The following SLC3A1 variants were observed in gnomAD, a reference collection of about 807,000 sequenced individuals.
SLC3A1 encodes solute carrier family 3 member 1, also known as amino acid transporter heavy chain SLC3A1.
In SLC3A1, 78 loss-of-function variants were observed where a neutral mutation model predicts 60.3. The observed-to-expected ratio is 1.29, with a 90% CI of 1.08 to 1.56. SLC3A1 has a LOEUF of 1.56. Among genes scored for constraint, SLC3A1 ranks in the 40% most tolerant of loss-of-function variants. The pLI, the probability that SLC3A1 is intolerant of heterozygous loss-of-function variation, is 0.00. For missense variants in SLC3A1, 1,172 were observed against 858.9 expected (o/e 1.36, Z -4.56); for synonymous variants, 392 against 307.9 (o/e 1.27, Z -2.86).
chr2:44,303,128 G>A (rs569374460), intron 6 of SLC3A1, among the ~76,000 whole-genome samples: 7 of 151,798 alleles, frequency 4.6e-5, no homozygotes, highest in Admixed American at 3.3e-4. Context: ...TTGCACCTGG[G>A]AGGTGGAGGT....
intron 5 of SLC3A1, 136 bp downstream of exon 5, chr2:44,300,226 T>G (rs1256233298): frequency 2.2e-6 from 2 of 901,942 alleles, no homozygotes; most frequent in African/African-American, 3.4e-5. Flanking sequence ...TTTATTTCTT[T>G]AGGAAATGTG....
intron 4 of SLC3A1, among the ~76,000 whole-genome samples, chr2:44,290,339 G>A (rs1671714115): frequency 6.6e-6 from 1 of 152,104 alleles, no homozygotes; most frequent in African/African-American, 2.4e-5. Flanking sequence ...CTAGCGCTTT[G>A]TAGTAAGTTT....
chr2:44,312,256 T>G (rs1022846776), intron 7 of SLC3A1, among the ~76,000 whole-genome samples: 1 of 152,190 alleles, frequency 6.6e-6, no homozygotes, highest in Admixed American at 6.5e-5. Context: ...TGGGTTCCCT[T>G]GTCTTGCTCT....
At chr2:44,304,983 G>C (rs1384933208) in intron 7 of SLC3A1, among the ~76,000 whole-genome samples, 1 of 151,794 alleles carries the variant, frequency 6.6e-6, no homozygotes, top group Non-Finnish European at 1.5e-5. Flanking sequence ...CACCATGGCT[G>C]GCTAATTATT....
Position 44,281,467 on chromosome 2 carries a change from G to A in SLC3A1, c.691G>A (p.Gly231Arg). 6 of 1,613,872 alleles carry A rather than the reference G, an allele frequency of 3.7e-6. No individual in the cohort carries two copies. Among genetic ancestry groups the A allele is most frequent in the Non-Finnish European group, 5.1e-6 (6 of 1,179,758 alleles). The change falls in exon 3 of 10, where the codon GGA (glycine) becomes AGA (arginine). Residue 231 changes from glycine to arginine, a missense_variant. Coordinates refer to ENST00000260649, the MANE Select transcript of SLC3A1 (RefSeq NM_000341.4). ...IWFQLSRTRT[G>R]KYTDYYIWHD... ...GTTTCAATTGAGTCGGACACGGACAGGAAAATATACTGATTATTATATCTG... is the reference window on the plus strand; with the variant it reads ...GTTTCAATTGAGTCGGACACGGACAAGAAAATATACTGATTATTATATCTG...
At chr2:44,305,330 G>T (rs903607325) in intron 7 of SLC3A1, among the ~76,000 whole-genome samples, 3 of 152,022 alleles carry the variant, frequency 2.0e-5, no homozygotes, top group Non-Finnish European at 4.4e-5. Context: ...TAGTATTATA[G>T]ATGTAAGCCC....
At chr2:44,281,908 C>T (rs1671508605) in intron 3 of SLC3A1, among the ~76,000 whole-genome samples, 2 of 151,974 alleles carry the variant, frequency 1.3e-5, no homozygotes, top group East Asian at 1.9e-4. Context: ...TAGTTTTGCT[C>T]TTGTCTCCCA....
chr2:44,302,716 C>G (rs529992022), intron 6 of SLC3A1, among the ~76,000 whole-genome samples: 1 of 152,330 alleles, frequency 6.6e-6, no homozygotes, highest in South Asian at 2.1e-4. Flanking sequence ...GTTATAGGGA[C>G]TCCAATACAA....
chr2:44,287,501 G>T (rs563604098), intron 4 of SLC3A1, among the ~76,000 whole-genome samples: 1 of 152,290 alleles, frequency 6.6e-6, no homozygotes, highest in South Asian at 2.1e-4. Context: ...AATTTTAAAT[G>T]AATGATGCAA....
chr2:44,316,553 A>T (rs1273011195), intron 9 of SLC3A1: 1 of 152,224 alleles, frequency 6.6e-6, no homozygotes, highest in African/African-American at 2.4e-5. Flanking sequence ...AACAGACTGG[A>T]GGAAACATAC....
At position 44,320,665 on chromosome 2, in the gene SLC3A1, C is replaced by A. The variant is rs750087384; in HGVS notation, c.*26C>A. ...GCACCTTTATGAAGAGATGAAGACACTGGCATTTCAGTGGGATTGTAAGCA... is the reference window on the plus strand; with the variant it reads ...GCACCTTTATGAAGAGATGAAGACAATGGCATTTCAGTGGGATTGTAAGCA... On this transcript the variant is annotated 3_prime_UTR_variant, in exon 10 of 10. Transcript: ENST00000260649. 17 of 1,571,638 alleles carry A rather than the reference C, an allele frequency of 1.1e-5. No individual in the cohort carries two copies. The Admixed American group carries it at 2.8e-4, about 26-fold the overall frequency.
intron 7 of SLC3A1, among the ~76,000 whole-genome samples, chr2:44,307,041 T>C (rs1292853501): frequency 6.6e-6 from 1 of 152,202 alleles, no homozygotes; most frequent in Non-Finnish European, 1.5e-5. Context: ...ACCACTCACC[T>C]ACTTTCCGTG....
chr2:44,322,260 AT>A (rs1024190200), downstream of SLC3A1, among the ~76,000 whole-genome samples: 23 of 152,272 alleles, frequency 1.5e-4, no homozygotes, highest in South Asian at 1.7e-3. Flanking sequence ...GGAGACTGAT[AT>A]GGCATGTAGT....
chr2:44,294,661 G>C (rs1316442843), intron 4 of SLC3A1, among the ~76,000 whole-genome samples: 1 of 152,106 alleles, frequency 6.6e-6, no homozygotes, highest in Non-Finnish European at 1.5e-5. Flanking sequence ...CGAGAGAGCT[G>C]GGTTGTACCC....
At position 44,301,105 on chromosome 2, in the gene SLC3A1, A is replaced by G. The variant is rs536015314; in HGVS notation, c.1114A>G (p.Ser372Gly). ...CTTCCGGCAGACCATGGACCAATAC[A>G]GCACGGAGCCCGGCAGATACAGGTT... ...RSFRQTMDQY[S>G]TEPGRYRFMG... The change falls in exon 6 of 10, where the codon AGC becomes GGC. Residue 372 changes from serine to glycine, a missense_variant. Ser to Gly is a moderately conservative substitution (Grantham distance 56, BLOSUM62 0). Coordinates refer to ENST00000260649, the MANE Select transcript of SLC3A1 (RefSeq NM_000341.4). The G allele has an allele frequency of 5.0e-6, 8 of 1,613,008 alleles. No homozygotes were observed. The African/African-American group carries it at 8.1e-5, about 16-fold the overall frequency.
chr2:44,321,399 C>T lies in SLC3A1; in HGVS notation c.*760C>T. The T allele has an allele frequency of 1.2e-6, 2 of 1,612,926 alleles. No individual in the cohort carries two copies. Among genetic ancestry groups the T allele is most frequent in the Non-Finnish European group, 1.7e-6 (2 of 1,179,164 alleles). ...CTTAAGATCCTCGAAAACACTGGTGCTGTCAAGTCCAAGTTCCTCGTACAG... is the reference window on the plus strand; with the variant it reads ...CTTAAGATCCTCGAAAACACTGGTGTTGTCAAGTCCAAGTTCCTCGTACAG... On this transcript the variant is annotated 3_prime_UTR_variant, in exon 10 of 10. Transcript: ENST00000260649.
At chr2:44,312,470 G>T in intron 7 of SLC3A1, 116 bp from the exon 8 acceptor site, 2 of 1,093,912 alleles carry the variant, frequency 1.8e-6, no homozygotes, top group South Asian at 2.6e-5. Context: ...AGGCTTGCTA[G>T]TACCAAGGTA....
At position 44,312,577 on chromosome 2, in the gene SLC3A1, G is replaced by C. The variant is rs376612851; in HGVS notation, c.1333-9G>C. ...TACAGCTGTGTTCTTAAAAATATCT[G>C]CCTTTCAGATTGGTGGACCAGACAG... On this transcript the variant is annotated splice_polypyrimidine_tract_variant and intron_variant, in intron 7 of 9. Coordinates refer to ENST00000260649, the MANE Select transcript of SLC3A1 (RefSeq NM_000341.4). The C allele has an allele frequency of 1.2e-6, 2 of 1,613,608 alleles. No individual in the cohort carries two copies. Among genetic ancestry groups the C allele is most frequent in the Non-Finnish European group, 1.7e-6 (2 of 1,179,600 alleles).
At chr2:44,307,564 ATTTTT>A (rs34665826) in intron 7 of SLC3A1, among the ~76,000 whole-genome samples, 1 of 129,642 alleles carries the variant, frequency 7.7e-6, no homozygotes, top group African/African-American at 2.8e-5. Flanking sequence ...ATCTCATTGC[ATTTTT>A]TTTTTTTTTT....
Sources: allele counts gnomAD v4.1 joint callset (sites outside exome capture counted in the v4.1 genomes callset), GRCh38; gene constraint gnomAD v4.1.1; transcripts MANE v1.5; gene names NCBI Gene and HGNC (gene_info 2026-07-23, HGNC 2026-07-21).